The following HYLS1 variants were observed in gnomAD, a reference collection of about 807,000 sequenced individuals.
HYLS1 encodes centriolar and ciliogenesis-associated protein HYLS1.
Under a neutral mutation model 29.4 loss-of-function variants are expected in HYLS1, and 25 were observed. That is an observed-to-expected ratio of 0.85 (90% CI 0.62 to 1.19). HYLS1 has a LOEUF of 1.19. Among genes scored for constraint, HYLS1 ranks in the 50% most tolerant of loss-of-function variants. The pLI is 0.00. For missense variants in HYLS1, 352 were observed against 365.1 expected, an observed-to-expected ratio of 0.96 and a Z score of 0.29; for synonymous variants, 128 against 126.7, an observed-to-expected ratio of 1.01 and a Z score of -0.07.
chr11:125,894,965 C>G (rs1485256843), intron 2 of HYLS1, among the ~76,000 whole-genome samples: 1 of 152,016 alleles, frequency 6.6e-6, no homozygotes, highest in Non-Finnish European at 1.5e-5. Flanking sequence ...TCATAACATT[C>G]TACAATTCAG....
At chr11:125,897,118 A>G (rs2134249779) in intron 2 of HYLS1, among the ~76,000 whole-genome samples, 1 of 152,306 alleles carries the variant, frequency 6.6e-6, no homozygotes. Flanking sequence ...TAAAATTGGG[A>G]TGGTCCTAGA....
chr11:125,884,527 T>C (rs774562332), upstream of HYLS1, among the ~76,000 whole-genome samples: 1 of 152,228 alleles, frequency 6.6e-6, no homozygotes, highest in African/African-American at 2.4e-5. Flanking sequence ...GAGAATAGCA[T>C]GAACCCGGGA....
At position 125,895,923 on chromosome 11, in the gene HYLS1, A is replaced by G. The variant is rs1192910739; in HGVS notation, c.-25-3421A>G. 19 of 1,613,058 alleles carry G rather than the reference A, an allele frequency of 1.2e-5. No individual in the cohort carries two copies. Among genetic ancestry groups the G allele is most frequent in the Non-Finnish European group, 1.5e-5 (18 of 1,179,950 alleles). ...GGCCCTTACCTGTCCAAAGGCACTA[A>G]CTCCTTTATCTGTTCTCCCACATCG... On this transcript the variant is annotated intron_variant, in intron 2 of 2. Transcript: ENST00000425380.
upstream of HYLS1, among the ~76,000 whole-genome samples, chr11:125,886,249 T>C (rs1053466578): frequency 2.6e-5 from 4 of 152,296 alleles, no homozygotes; most frequent in African/African-American, 9.6e-5. Flanking sequence ...TCCTTTGTTC[T>C]TTCCATTTTC....
intron 2 of HYLS1, chr11:125,894,077 A>T: frequency 6.2e-7 from 1 of 1,614,188 alleles, no homozygotes; most frequent in Non-Finnish European, 8.5e-7. Context: ...CCATTCTGTC[A>T]TTCCATCCAT....
chr11:125,895,739 C>T (rs765276517), intron 2 of HYLS1: 1 of 1,610,944 alleles, frequency 6.2e-7, no homozygotes, highest in East Asian at 2.2e-5. Flanking sequence ...CATTAAAGTC[C>T]TCGGAATCCC....
At position 125,895,722 on chromosome 11, in the gene HYLS1, T is replaced by C. The variant is rs752625265; in HGVS notation, c.-25-3622T>C. On this transcript the variant is annotated intron_variant, in intron 2 of 2. Coordinates refer to ENST00000425380, the MANE Select transcript of HYLS1 (RefSeq NM_001134793.2). ...CTCTTCAGCAGCAGCATTAGCCTCC[T>C]CTTTTACATTAAAGTCCTCGGAATC... 31 of 1,613,336 alleles carry C rather than the reference T, an allele frequency of 1.9e-5. No homozygotes were observed. In the Admixed American group the frequency reaches 5.0e-4, roughly 26 times the overall value.
intron 1 of HYLS1, among the ~76,000 whole-genome samples, chr11:125,889,432 G>A (rs1164095167): frequency 6.6e-6 from 1 of 152,116 alleles, no homozygotes; most frequent in Non-Finnish European, 1.5e-5. Context: ...TTTAAATTCT[G>A]ATTCAAAATG....
intron 2 of HYLS1, among the ~76,000 whole-genome samples, chr11:125,894,706 G>A (rs2134242188): frequency 6.6e-6 from 1 of 152,178 alleles, no homozygotes; most frequent in African/African-American, 2.4e-5. Context: ...TAGGAAATTA[G>A]GAAAAATTCA....
chr11:125,884,636 A>C (rs1437470205), upstream of HYLS1, among the ~76,000 whole-genome samples: 1 of 152,172 alleles, frequency 6.6e-6, no homozygotes, highest in African/African-American at 2.4e-5. Flanking sequence ...CAAAAATAGT[A>C]TTATGTTATG....
At chr11:125,892,809 G>A (rs1457458069) in intron 2 of HYLS1, among the ~76,000 whole-genome samples, 1 of 152,020 alleles carries the variant, frequency 6.6e-6, no homozygotes, top group Non-Finnish European at 1.5e-5. Flanking sequence ...AATTCTATCG[G>A]GCATGTAAAT....
chr11:125,899,486 A>G lies in HYLS1; in HGVS notation c.118A>G (p.Arg40Gly). 6.2e-7 allele frequency: 1 copy of G among 1,614,196 alleles called. No individual in the cohort carries two copies. Among genetic ancestry groups the G allele is most frequent in the African/African-American group, 1.3e-5 (1 of 75,048 alleles). ...TGCAGGGCAGGGTGAAGGAGATGTC[A>G]GGAGAGAAGCCCAATCTATCCAATA... ...ICAGQGEGDV[R>G]REAQSIQYDP... The change falls in exon 3 of 3, where the codon AGG becomes GGG. Residue 40 changes from arginine (R) to glycine (G), a missense_variant. By Grantham distance (125) the Arg-to-Gly change is moderately radical (BLOSUM62 -2). Transcript: ENST00000425380.
In HYLS1 at chr11:125,899,755, G is replaced by T; in HGVS notation, c.387G>T (p.Trp129Cys). The change falls in exon 3 of 3, where the codon TGG becomes TGT. Residue 129 changes from tryptophan to cysteine, a missense_variant. Coordinates refer to ENST00000425380, the MANE Select transcript of HYLS1 (RefSeq NM_001134793.2). ...GTACAGAAAATGATCAGGATCTCTG[G>T]GACTTAAGACAAAGGCTGATGAATG... ...ESGTENDQDLWDLRQRLMNVQ... is the reference protein window; with the variant it reads ...ESGTENDQDLCDLRQRLMNVQ... The T allele has an allele frequency of 6.2e-7, 1 of 1,614,120 alleles. No individual in the cohort carries two copies. Among genetic ancestry groups the T allele is most frequent in the Non-Finnish European group, 8.5e-7 (1 of 1,180,010 alleles).
chr11:125,897,459 G>C (rs1944621470), intron 2 of HYLS1, among the ~76,000 whole-genome samples: 1 of 151,062 alleles, frequency 6.6e-6, no homozygotes, highest in East Asian at 1.9e-4. Context: ...AATAAGTGAT[G>C]GTAAAGTGCG....
intron 2 of HYLS1, among the ~76,000 whole-genome samples, chr11:125,892,651 T>G (rs1944444533): frequency 6.6e-6 from 1 of 152,242 alleles, no homozygotes; most frequent in Non-Finnish European, 1.5e-5. Flanking sequence ...CATCTACTTC[T>G]GTCCATTTGC....
chr11:125,889,677 C>T (rs1290670827), intron 1 of HYLS1, among the ~76,000 whole-genome samples: 3 of 151,542 alleles, frequency 2.0e-5, no homozygotes, highest in Admixed American at 1.3e-4. Flanking sequence ...GCAGAGGTTG[C>T]GGTGAGCCGA....
intron 2 of HYLS1, chr11:125,893,779 C>T: frequency 6.3e-7 from 1 of 1,591,672 alleles, no homozygotes; most frequent in Non-Finnish European, 8.6e-7. Context: ...GGCAAATTGT[C>T]TATGGTTAAA....
chr11:125,900,105 T>G lies in HYLS1; in HGVS notation c.737T>G (p.Leu246Arg). 2 of 1,614,158 alleles carry G rather than the reference T, an allele frequency of 1.2e-6. No homozygotes were observed. Among genetic ancestry groups the G allele is most frequent in the Non-Finnish European group, 1.7e-6 (2 of 1,180,042 alleles). The change falls in exon 3 of 3, where the codon CTT becomes CGT. Residue 246 changes from leucine (L) to arginine (R), a missense_variant. By Grantham distance (102) the Leu-to-Arg change is moderately radical. Coordinates refer to ENST00000425380, the MANE Select transcript of HYLS1 (RefSeq NM_001134793.2). ...ELRWGVREQM[L>R]CRAEPQSKPQ... ...CGCTGGGGTGTCCGAGAGCAGATGC[T>G]TTGTCGAGCAGAACCCCAATCCAAA...
intron 2 of HYLS1, among the ~76,000 whole-genome samples, chr11:125,892,634 T>C (rs921004374): frequency 6.6e-6 from 1 of 152,198 alleles, no homozygotes; most frequent in African/African-American, 2.4e-5. Context: ...TTTCTTAATC[T>C]TAAATTCATC....
Sources: gnomAD v4.1 joint callset for allele counts (sites outside exome capture counted in the v4.1 genomes callset) on GRCh38, gnomAD v4.1.1 for gene constraint, MANE v1.5 for transcripts, NCBI Gene and HGNC (gene_info 2026-07-23, HGNC 2026-07-21) for gene names.